The following CSMD1 variants were observed in gnomAD, a reference collection of about 807,000 sequenced individuals.
CSMD1 encodes the protein CUB and sushi domain-containing protein 1.
Under a neutral mutation model 417.5 loss-of-function variants are expected in CSMD1, and 213 were observed. That is an observed-to-expected ratio of 0.51 (90% CI 0.46 to 0.57). CSMD1 has a LOEUF of 0.57. Among genes scored for constraint, CSMD1 ranks in the 20% least tolerant of loss-of-function variants. CSMD1 has a pLI of 0.00. For synonymous variants in CSMD1, 2,862 were observed against 1,736.8 expected, an observed-to-expected ratio of 1.65 and a Z score of -16.11; for missense variants, 6,923 against 4,529.7, an observed-to-expected ratio of 1.53 and a Z score of -15.17.
chr8:3,667,096 G>A (rs763895302), intron 7 of CSMD1, among the ~76,000 whole-genome samples: 31 of 152,142 alleles, frequency 2.0e-4, no homozygotes, highest in South Asian at 6.2e-4. Context: ...GTACAAGCAA[G>A]GCAATCTTGT....
At chr8:4,683,202 A>T (rs1329999445) in intron 1 of CSMD1, among the ~76,000 whole-genome samples, 2 of 152,054 alleles carry the variant, frequency 1.3e-5, no homozygotes, top group African/African-American at 4.8e-5. Context: ...TATGTTCATG[A>T]AACAACTTAG....
intron 2 of CSMD1, among the ~76,000 whole-genome samples, chr8:4,479,182 C>A (rs994746788): frequency 6.6e-6 from 1 of 152,180 alleles, no homozygotes; most frequent in Non-Finnish European, 1.5e-5. Context: ...AATGGGTCCA[C>A]AACCTTGAAA....
At chr8:4,971,931 C>A (rs537119126) in intron 1 of CSMD1, among the ~76,000 whole-genome samples, 1 of 151,920 alleles carries the variant, frequency 6.6e-6, no homozygotes, top group East Asian at 1.9e-4. Context: ...AAAATAAACT[C>A]ATTGGGAGCA....
intron 8 of CSMD1, among the ~76,000 whole-genome samples, chr8:3,608,393 A>G (rs1408847407): frequency 1.3e-5 from 2 of 152,150 alleles, no homozygotes; most frequent in African/African-American, 2.4e-5. Context: ...GTTTCAGAGA[A>G]TTCAGGGAGC....
chr8:3,168,631 TCA>T (rs59927132), intron 37 of CSMD1, among the ~76,000 whole-genome samples: 13 of 148,840 alleles, frequency 8.7e-5, no homozygotes, highest in African/African-American at 1.2e-4. Flanking sequence ...TAAGTCTTCA[TCA>T]CACACACACA....
chr8:4,599,357 T>C (rs985708151), intron 2 of CSMD1, among the ~76,000 whole-genome samples: 5 of 151,992 alleles, frequency 3.3e-5, no homozygotes, highest in Non-Finnish European at 7.4e-5. Flanking sequence ...ATGGTCACCC[T>C]GGAAGAATTT....
At chr8:3,404,636 C>G (rs1425525098) in intron 15 of CSMD1, among the ~76,000 whole-genome samples, 1 of 152,056 alleles carries the variant, frequency 6.6e-6, no homozygotes, top group Non-Finnish European at 1.5e-5. Context: ...TACATGTTGA[C>G]TAAAGACAAC....
intron 5 of CSMD1, among the ~76,000 whole-genome samples, chr8:3,862,668 G>C (rs1316097967): frequency 6.6e-6 from 1 of 152,062 alleles, no homozygotes; most frequent in Non-Finnish European, 1.5e-5. Context: ...TTGGTTATTT[G>C]CATTCAACGT....
intron 12 of CSMD1, among the ~76,000 whole-genome samples, chr8:3,425,220 T>G (rs79647779): frequency 0.037 from 5,609 of 152,240 alleles, 189 homozygotes; most frequent in East Asian, 0.1. Flanking sequence ...ATAATACATA[T>G]GGCTTGGTTT....
intron 7 of CSMD1, among the ~76,000 whole-genome samples, chr8:3,685,906 A>G (rs891812673): frequency 9.8e-5 from 15 of 152,312 alleles, no homozygotes; most frequent in African/African-American, 3.6e-4. Flanking sequence ...TGTTACAAAC[A>G]ATCCAATACA....
In CSMD1 at chr8:4,751,326, A is replaced by C. The variant is rs115484361; in HGVS notation, c.86-113768T>G. On this transcript the variant is annotated intron_variant, in intron 1 of 69. Coordinates refer to ENST00000635120, the MANE Select transcript of CSMD1 (RefSeq NM_033225.6). ...CTTGAACCCAGGAAGTGGAGGTTGC[A>C]GTGAGAGTGAGCCGAGATAGCGCCA... Among the ~76,000 whole-genome samples the C allele has an allele frequency of 8.4e-3, 1,280 of 152,034 alleles. 26 individuals are homozygous for C. The highest frequency in any genetic ancestry group is 0.029 in the African/African-American group (1,186 of 41,490).
chr8:4,649,330 T>A lies in CSMD1; in HGVS notation c.86-11772A>T, dbSNP rs115195208. ...CTACCTACAGTAATGATTGTGAACA[T>A]TGACAGAGTACCTATTATAAGGTAA... On this transcript the variant is annotated intron_variant, in intron 1 of 69. Transcript: ENST00000635120. Among the ~76,000 whole-genome samples the A allele has an allele frequency of 3.9e-5, 6 of 152,302 alleles. No homozygotes were observed. In the East Asian group the frequency reaches 9.7e-4, roughly 25 times the overall value.
At chr8:3,304,495 A>G (rs145206493) in intron 25 of CSMD1, among the ~76,000 whole-genome samples, 8 of 152,156 alleles carry the variant, frequency 5.3e-5, no homozygotes, top group Non-Finnish European at 8.8e-5. Context: ...TCAATCATCA[A>G]AAACATTTTG....
chr8:4,198,076 C>T (rs376608332), intron 3 of CSMD1, among the ~76,000 whole-genome samples: 23 of 152,278 alleles, frequency 1.5e-4, no homozygotes, highest in East Asian at 3.9e-4. Context: ...AAGCGCAAAG[C>T]GAGGGAAGTC....
chr8:4,199,316 T>C (rs576217656), intron 3 of CSMD1, among the ~76,000 whole-genome samples: 19 of 152,312 alleles, frequency 1.2e-4, no homozygotes, highest in South Asian at 8.3e-4. Flanking sequence ...TGCTTTTTCA[T>C]AGTTTGAGGT....
At chr8:3,531,019 AT>A (rs34239725) in intron 10 of CSMD1, among the ~76,000 whole-genome samples, 17,051 of 142,010 alleles carry the variant, frequency 0.12, 1,106 homozygotes, top group Admixed American at 0.18. Flanking sequence ...TGCCCAGCTA[AT>A]TTTTTTTTTT....
chr8:4,439,294 C>T (rs916838512), intron 2 of CSMD1, among the ~76,000 whole-genome samples: 3 of 152,072 alleles, frequency 2.0e-5, no homozygotes, highest in Admixed American at 6.6e-5. Context: ...CCTTTCACTG[C>T]TGCCAAAATT....
At chr8:3,604,036 C>G (rs374557104) in intron 8 of CSMD1, among the ~76,000 whole-genome samples, 1 of 152,266 alleles carries the variant, frequency 6.6e-6, no homozygotes, top group Non-Finnish European at 1.5e-5. Flanking sequence ...AATGTAAATG[C>G]ATTCCTGATA....
intron 5 of CSMD1, among the ~76,000 whole-genome samples, chr8:3,842,985 G>C (rs952588006): frequency 6.6e-6 from 1 of 152,114 alleles, no homozygotes; most frequent in Non-Finnish European, 1.5e-5. Flanking sequence ...TGTTTAGTTT[G>C]CTCAGTTTGA....
Sources: allele counts gnomAD v4.1 joint callset (sites outside exome capture counted in the v4.1 genomes callset), GRCh38; gene constraint gnomAD v4.1.1; transcripts MANE v1.5; gene names NCBI Gene and HGNC (gene_info 2026-07-23, HGNC 2026-07-21).